The following TET3 variants were observed in gnomAD, a reference collection of about 807,000 sequenced individuals.
TET3 encodes methylcytosine dioxygenase TET3.
TET3 carries 19 observed loss-of-function variants against 141.4 expected under a neutral mutation model. The ratio of observed to expected loss-of-function variants is 0.13; its 90% CI spans 0.09 to 0.20. The LOEUF is 0.20. TET3 is among the 10% of genes least tolerant of loss of function. The pLI is 1.00. For missense variants in TET3, 1,874 were observed against 2,356.9 expected (o/e 0.80, Z 4.24); for synonymous variants, 1,043 against 980.9 (o/e 1.06, Z -1.18).
intron 3 of TET3, among the ~76,000 whole-genome samples, chr2:74,015,046 A>G (rs1164205926): frequency 2.6e-5 from 4 of 152,234 alleles, no homozygotes; most frequent in Non-Finnish European, 5.9e-5. Context: ...AGCAGCGCCT[A>G]GTGCAGTAGG....
chr2:74,013,056 A>G (rs965693617), intron 3 of TET3, among the ~76,000 whole-genome samples: 4 of 148,932 alleles, frequency 2.7e-5, no homozygotes, highest in Admixed American at 2.0e-4. Context: ...GCGCAATGGC[A>G]TGATCTCGGC....
chr2:74,021,778 G>A (rs1686058728), intron 3 of TET3, among the ~76,000 whole-genome samples: 1 of 152,184 alleles, frequency 6.6e-6, no homozygotes, highest in South Asian at 2.1e-4. Flanking sequence ...GTGAACTAAT[G>A]TTAACAAAAG....
In TET3 at chr2:74,101,875, A is replaced by G. The variant is rs1266018477; in HGVS notation, c.5087A>G (p.His1696Arg). Residue 1696 changes from histidine to arginine, a missense_variant, in exon 12 of 12, where the codon CAC (histidine) becomes CGC (arginine). His to Arg is a conservative substitution (Grantham distance 29). Around this residue, in one of 10 missense-constraint regions of TET3, gnomAD observed 41 missense variants for 116.8 expected, o/e 0.35. Transcript: ENST00000409262. The surrounding 1 kb of genome is among the most constrained non-coding windows in gnomAD (Gnocchi z 8.5). The part of the protein sequence containing the change: ...PTRISLVFYQ[H>R]KNLNQPNHGL... ...CGCATCTCGCTGGTCTTCTACCAGC[A>G]CAAGAACCTCAACCAGCCCAACCAC... The G allele has an allele frequency of 6.2e-7, 1 of 1,613,178 alleles. No individual in the cohort carries two copies. Among genetic ancestry groups the G allele is most frequent in the African/African-American group, 1.3e-5 (1 of 74,908 alleles).
chr2:73,994,731 A>C (rs1684503851), intron 2 of TET3, among the ~76,000 whole-genome samples: 1 of 138,292 alleles, frequency 7.2e-6, no homozygotes, highest in East Asian at 2.1e-4. Context: ...TCTGCCTCCC[A>C]GGTTCGAGCA....
chr2:74,083,310 G>C (rs934755342), intron 6 of TET3, among the ~76,000 whole-genome samples: 1 of 152,226 alleles, frequency 6.6e-6, no homozygotes, highest in Non-Finnish European at 1.5e-5. Context: ...CTCTGGGAAA[G>C]AACTCCAGAG....
chr2:73,990,666 T>C (rs1684278129), intron 2 of TET3, among the ~76,000 whole-genome samples: 1 of 152,154 alleles, frequency 6.6e-6, no homozygotes, highest in Non-Finnish European at 1.5e-5. Flanking sequence ...GAAAGATATA[T>C]GTGATGAGAA....
At chr2:74,032,737 G>A (rs927764869) in intron 3 of TET3, among the ~76,000 whole-genome samples, 3 of 152,144 alleles carry the variant, frequency 2.0e-5, no homozygotes, top group Admixed American at 1.3e-4. Context: ...AGAGGCTAGG[G>A]GTGGGGCATG....
At chr2:74,025,990 CT>C (rs1409038429) in intron 3 of TET3, among the ~76,000 whole-genome samples, 36 of 152,142 alleles carry the variant, frequency 2.4e-4, no homozygotes. Flanking sequence ...AAGCTGACTC[CT>C]TGTCCTCATA....
intron 4 of TET3, among the ~76,000 whole-genome samples, chr2:74,058,129 A>G (rs1162975631): frequency 1.3e-5 from 2 of 152,262 alleles, no homozygotes; most frequent in African/African-American, 4.8e-5. Context: ...AAGCACATAA[A>G]AAGTGCATTG....
chr2:74,060,244 G>T (rs781113029), intron 4 of TET3, among the ~76,000 whole-genome samples: 1 of 152,216 alleles, frequency 6.6e-6, no homozygotes, highest in Non-Finnish European at 1.5e-5. Flanking sequence ...CCTAATGAGG[G>T]TGAGCAGTTT....
At chr2:74,055,905 G>T (rs142629927) in intron 4 of TET3, among the ~76,000 whole-genome samples, 2 of 152,126 alleles carry the variant, frequency 1.3e-5, no homozygotes, top group Middle Eastern at 3.2e-3. Context: ...GCAGAGTCCC[G>T]ATCAACACGA....
intron 3 of TET3, among the ~76,000 whole-genome samples, chr2:74,011,762 G>C (rs1309499591): frequency 6.6e-6 from 1 of 151,998 alleles, no homozygotes; most frequent in Non-Finnish European, 1.5e-5. Context: ...AATAGGGCTG[G>C]GTGTGGTGGC....
the TET3 span, among the ~76,000 whole-genome samples, chr2:74,113,980 G>C: frequency 6.6e-6 from 1 of 151,970 alleles, no homozygotes; most frequent in Admixed American, 6.6e-5. Flanking sequence ...AACTACAAGA[G>C]ACCTCAAATA....
chr2:74,127,835 A>C, the TET3 span, among the ~76,000 whole-genome samples: 5 of 152,338 alleles, frequency 3.3e-5, no homozygotes, highest in South Asian at 1.0e-3. Context: ...GACAACAAAC[A>C]GATGAAGATA....
At chr2:74,080,228 T>G (rs1307129293) in intron 5 of TET3, among the ~76,000 whole-genome samples, 1 of 152,230 alleles carries the variant, frequency 6.6e-6, no homozygotes, top group Admixed American at 6.5e-5. Flanking sequence ...TCAGGGACAT[T>G]CTGCTCGGCT....
chr2:73,998,535 TTTC>T (rs1219525365), intron 2 of TET3: 3 of 152,490 alleles, frequency 2.0e-5, no homozygotes, highest in Admixed American at 6.5e-5. Flanking sequence ...AGAAGCATCT[TTTC>T]TTCTTCTGTT....
At chr2:74,023,231 G>C (rs907516689) in intron 3 of TET3, among the ~76,000 whole-genome samples, 1 of 152,010 alleles carries the variant, frequency 6.6e-6, no homozygotes, top group Admixed American at 6.6e-5. Flanking sequence ...TATGTAGTTT[G>C]ATTTATTTTT....
At chr2:74,120,207 G>A in the TET3 span, among the ~76,000 whole-genome samples, 1 of 152,170 alleles carries the variant, frequency 6.6e-6, no homozygotes, top group African/African-American at 2.4e-5. Context: ...CCGGCTCCCG[G>A]CTCCCCCGCC....
rs1690215010 is a variant in TET3, at chr2:74,087,267, C to T, written c.2680-563C>T. 1.3e-5 allele frequency among the ~76,000 whole-genome samples: 2 copies of T among 152,196 alleles called. No individual in the cohort carries two copies. Among genetic ancestry groups the T allele is most frequent in the African/African-American group, 4.8e-5 (2 of 41,452 alleles). ...CACCTTTTGGCTGTTGTGAATAGTG[C>T]TGCAGTGAACGTGGGTATTCAGGGA... On this transcript the variant is annotated intron_variant, in intron 6 of 11. Coordinates refer to ENST00000409262, the MANE Select transcript of TET3 (RefSeq NM_001287491.2). The surrounding 1 kb of genome is among the most constrained non-coding windows in gnomAD (Gnocchi z 4.3).
Sources: allele counts gnomAD v4.1 joint callset (sites outside exome capture counted in the v4.1 genomes callset), GRCh38; gene constraint gnomAD v4.1.1; regional missense constraint gnomAD v4.1.1; non-coding constraint Gnocchi (gnomAD v3.1); transcripts MANE v1.5; gene names NCBI Gene and HGNC (gene_info 2026-07-23, HGNC 2026-07-21).